Variants in KCNH8 observed in about 807,000 individuals in gnomAD.
The protein encoded by KCNH8 is potassium voltage-gated channel subfamily H member 8.
Under a neutral mutation model 103.6 loss-of-function variants are expected in KCNH8, and 70 were observed. The observed-to-expected ratio is 0.68, with a 90% confidence interval of 0.56 to 0.82. KCNH8 has a LOEUF of 0.82. KCNH8 is among the 40% of genes least tolerant of loss of function. The pLI, the probability that KCNH8 is intolerant of heterozygous loss-of-function variation, is 0.00. For synonymous variants in KCNH8, 498 were observed against 489.4 expected, an observed-to-expected ratio of 1.02 and a Z score of -0.23; for missense variants, 1,217 against 1,329.9, an observed-to-expected ratio of 0.92 and a Z score of 1.32.
In KCNH8 at chr3:19,353,427, CAAAA is replaced by C. The variant is rs2065833256; in HGVS notation, c.811+5466_811+5469del. On this transcript the variant is annotated intron_variant, in intron 5 of 15. Transcript: ENST00000328405. ...ATATCAAAGCCTGGCAGAGACAAAACAAAAAAAGAGAATTTTAGATCAATATCCC... is the reference window on the plus strand; with the variant it reads ...ATATCAAAGCCTGGCAGAGACAAAACAAAGAGAATTTTAGATCAATATCCC... Among the ~76,000 whole-genome samples, 5 of 151,912 alleles carry C rather than the reference CAAAA, an allele frequency of 3.3e-5. No individual in the cohort carries two copies. In the South Asian group the frequency reaches 1.0e-3, roughly 32 times the overall value.
intron 7 of KCNH8, among the ~76,000 whole-genome samples, chr3:19,436,720 A>T (rs556143243): frequency 6.6e-6 from 1 of 152,342 alleles, no homozygotes; most frequent in African/African-American, 2.4e-5. Flanking sequence ...CTTCAGAGAC[A>T]CACCATCTCA....
intron 2 of KCNH8, among the ~76,000 whole-genome samples, chr3:19,275,338 T>C (rs1056101850): frequency 6.6e-6 from 1 of 152,060 alleles, no homozygotes; most frequent in African/African-American, 2.4e-5. Flanking sequence ...AGGGTATCCT[T>C]AGCCACCACC....
At chr3:19,405,809 T>C (rs556616540) in intron 7 of KCNH8, among the ~76,000 whole-genome samples, 1 of 151,948 alleles carries the variant, frequency 6.6e-6, no homozygotes, top group African/African-American at 2.4e-5. Flanking sequence ...TCTCTCAAAA[T>C]GAGATAATTG....
chr3:19,353,552 A>G (rs138940271), intron 5 of KCNH8, among the ~76,000 whole-genome samples: 3 of 152,216 alleles, frequency 2.0e-5, no homozygotes, highest in Non-Finnish European at 4.4e-5. Flanking sequence ...AGTTGGCTTC[A>G]TCTCTGGGAT....
intron 7 of KCNH8, among the ~76,000 whole-genome samples, chr3:19,430,587 TTAA>T (rs2067105980): frequency 6.6e-6 from 1 of 152,190 alleles, no homozygotes; most frequent in Non-Finnish European, 1.5e-5. Flanking sequence ...TATGGCCATT[TTAA>T]TAATATTAAT....
chr3:19,321,343 A>G (rs1308807271), intron 3 of KCNH8, among the ~76,000 whole-genome samples: 1 of 151,934 alleles, frequency 6.6e-6, no homozygotes, highest in Non-Finnish European at 1.5e-5. Flanking sequence ...TTCTCTTAGC[A>G]CTGTCTTTGC....
chr3:19,171,653 A>G (rs370389094), intron 1 of KCNH8, among the ~76,000 whole-genome samples: 21 of 152,182 alleles, frequency 1.4e-4, no homozygotes, highest in East Asian at 5.8e-4. Flanking sequence ...AAATGATCTC[A>G]TGTATACTTT....
At chr3:19,272,222 G>A (rs1281319704) in intron 2 of KCNH8, among the ~76,000 whole-genome samples, 3 of 152,070 alleles carry the variant, frequency 2.0e-5, no homozygotes, top group African/African-American at 7.2e-5. Flanking sequence ...CAGAGCACCA[G>A]ATGGTTCTAC....
chr3:19,269,784 A>G (rs1425773934), intron 2 of KCNH8, among the ~76,000 whole-genome samples: 1 of 152,150 alleles, frequency 6.6e-6, no homozygotes, highest in Non-Finnish European at 1.5e-5. Flanking sequence ...CTTATCAGAG[A>G]TCCCTCTAGG....
chr3:19,375,390 G>A (rs1370853145), intron 5 of KCNH8, among the ~76,000 whole-genome samples: 1 of 150,844 alleles, frequency 6.6e-6, no homozygotes, highest in Non-Finnish European at 1.5e-5. Flanking sequence ...TCTTCCAGTT[G>A]ATTGCATCGG....
chr3:19,503,338 A>G (rs550669056), intron 11 of KCNH8, among the ~76,000 whole-genome samples: 1 of 152,314 alleles, frequency 6.6e-6, no homozygotes, highest in Non-Finnish European at 1.5e-5. Context: ...TGGGACTGCA[A>G]CCTAGTTCAA....
At chr3:19,528,137 A>G (rs1276403090) in intron 15 of KCNH8, among the ~76,000 whole-genome samples, 1 of 152,006 alleles carries the variant, frequency 6.6e-6, no homozygotes, top group Non-Finnish European at 1.5e-5. Context: ...GGATAAAGAA[A>G]ATGTATATTA....
At chr3:19,221,190 G>A (rs2063870306) in intron 1 of KCNH8, among the ~76,000 whole-genome samples, 1 of 152,218 alleles carries the variant, frequency 6.6e-6, no homozygotes, top group Admixed American at 6.5e-5. Context: ...TAATTTCCAA[G>A]TATAGCTGTT....
intron 11 of KCNH8, among the ~76,000 whole-genome samples, chr3:19,500,207 G>T: frequency 6.6e-6 from 1 of 152,142 alleles, no homozygotes; most frequent in East Asian, 1.9e-4. Flanking sequence ...ATTACTTAAT[G>T]GTAAAGGGAT....
intron 1 of KCNH8, among the ~76,000 whole-genome samples, chr3:19,161,051 A>T (rs1329125692): frequency 6.6e-6 from 1 of 152,196 alleles, no homozygotes; most frequent in East Asian, 1.9e-4. Context: ...TAAGATCCAC[A>T]GTATGAATAA....
chr3:19,489,540 C>T (rs767854117), intron 11 of KCNH8, among the ~76,000 whole-genome samples: 1 of 152,088 alleles, frequency 6.6e-6, no homozygotes, highest in East Asian at 1.9e-4. Flanking sequence ...CTTCTGATGG[C>T]CAACGTACCT....
intron 11 of KCNH8, among the ~76,000 whole-genome samples, chr3:19,506,592 TGAGGGCTGGCTGCA>T (rs2068698276): frequency 6.6e-6 from 1 of 152,112 alleles, no homozygotes; most frequent in East Asian, 1.9e-4. Flanking sequence ...CTCTCCCACT[TGAGGGCTGGCTGCA>T]GATCTCGGTT....
chr3:19,339,409 T>C (rs561318868), intron 3 of KCNH8, among the ~76,000 whole-genome samples: 1 of 152,250 alleles, frequency 6.6e-6, no homozygotes, highest in East Asian at 1.9e-4. Flanking sequence ...AGAGATTGTC[T>C]GAAAACTCTG....
At position 19,322,428 on chromosome 3, in the gene KCNH8, CTT is replaced by C. The variant is rs538098659; in HGVS notation, c.443-20157_443-20156del. On this transcript the variant is annotated intron_variant, in intron 3 of 15. Transcript: ENST00000328405. ...ATCTTTTGTCTGTGTCTGGAAAAGA[CTT>C]TATCTTTCCTTCATTTATGAAGCTT... 3.9e-5 allele frequency among the ~76,000 whole-genome samples: 6 copies of C among 152,126 alleles called. No individual in the cohort carries two copies. In the South Asian group the frequency reaches 1.0e-3, roughly 26 times the overall value.
Sources: gnomAD v4.1 joint callset for allele counts (sites outside exome capture counted in the v4.1 genomes callset) on GRCh38, gnomAD v4.1.1 for gene constraint, MANE v1.5 for transcripts, NCBI Gene and HGNC (gene_info 2026-07-23, HGNC 2026-07-21) for gene names.